The following VEPH1 variants were observed in gnomAD, a reference collection of about 807,000 sequenced individuals.
VEPH1 encodes the protein ventricular zone-expressed PH domain-containing protein homolog 1.
VEPH1 carries 80 observed loss-of-function variants against 85.2 expected under a neutral mutation model. That is an observed-to-expected ratio of 0.94 (90% CI 0.78 to 1.13). The LOEUF (loss-of-function observed/expected upper bound fraction) is 1.13. Among genes scored for constraint, VEPH1 ranks in the 50% most tolerant of loss-of-function variants. The probability of loss-of-function intolerance (pLI) is 0.00; values close to 1 mark genes in which losing one functional copy is unlikely to be tolerated. For synonymous variants in VEPH1, 297 were observed against 348.0 expected, an observed-to-expected ratio of 0.85 and a Z score of 1.63; for missense variants, 955 against 980.5, an observed-to-expected ratio of 0.97 and a Z score of 0.35.
chr3:157,488,415 A>T (rs1216355381), intron 2 of VEPH1, among the ~76,000 whole-genome samples: 1 of 152,098 alleles, frequency 6.6e-6, no homozygotes, highest in Admixed American at 6.6e-5. Context: ...TCATTTGACC[A>T]ATCAGTGGCA....
intron 9 of VEPH1, among the ~76,000 whole-genome samples, chr3:157,331,685 G>C (rs189989395): frequency 5.9e-5 from 9 of 152,300 alleles, no homozygotes; most frequent in Admixed American, 4.6e-4. Context: ...CTCTTTCATG[G>C]TTTGTGTATG....
rs772078655 is a variant in VEPH1 at position 157,318,665 on chromosome 3, GGAAA to G, written c.1736-1468_1736-1465del. ...GAAAGAAAGAAAGAATGAAAGAAAAGGAAAGAAAGAAAGAAAGAAAATTAATAGA... is the reference window on the plus strand; with the variant it reads ...GAAAGAAAGAAAGAATGAAAGAAAAGGAAAGAAAGAAAGAAAATTAATAGA... On this transcript the variant is annotated intron_variant, in intron 9 of 13. Coordinates refer to ENST00000362010, the MANE Select transcript of VEPH1 (RefSeq NM_001167912.2). Among the ~76,000 whole-genome samples, 634 of 111,064 alleles carry G rather than the reference GGAAA, an allele frequency of 5.7e-3. 1 individual carries two copies. The highest frequency in any genetic ancestry group is 9.6e-3 in the Non-Finnish European group (467 of 48,492). 72.9% of individuals were successfully genotyped at this position (111,064 alleles called of 152,430 possible).
rs71302265 is a variant in VEPH1, at chr3:157,386,250, C to CAAAAAAAAA, written c.907-4883_907-4875dup. On this transcript the variant is annotated intron_variant, in intron 6 of 13. Coordinates refer to ENST00000362010, the MANE Select transcript of VEPH1 (RefSeq NM_001167912.2). ...GTTACTTCAAGTAAAAATGGTTCCA[C>CAAAAAAAAA]AAAAAAAAAAAAAAAAAAAAAAAAG... 7.3e-4 allele frequency among the ~76,000 whole-genome samples: 28 copies of CAAAAAAAAA among 38,484 alleles called. 1 individual carries two copies. Among genetic ancestry groups the CAAAAAAAAA allele is most frequent in the Middle Eastern group, 0.017 (1 of 58 alleles). The allele number at this position is 38,484 out of a possible 152,430, so 25.2% of individuals were successfully genotyped here.
Position 157,452,108 on chromosome 3 carries a change from A to G in VEPH1, c.529+8073T>C, listed in dbSNP as rs375741285. On this transcript the variant is annotated intron_variant, in intron 4 of 13. Transcript: ENST00000362010. ...AAAAAACTGAATTTGATTTTAGGTT[A>G]CATTAAGGAAAATACAGTATTAATA... 2.2e-4 allele frequency among the ~76,000 whole-genome samples: 33 copies of G among 152,296 alleles called. No individual in the cohort carries two copies. The East Asian group carries it at 5.0e-3, about 23-fold the overall frequency.
intron 4 of VEPH1, among the ~76,000 whole-genome samples, chr3:157,441,643 A>G (rs1035044650): frequency 6.8e-6 from 1 of 147,960 alleles, no homozygotes; most frequent in African/African-American, 2.5e-5. Context: ...CCCCGTGTCT[A>G]AAAAAAAAAT....
At chr3:157,362,276 C>T (rs2108767632) in intron 9 of VEPH1, among the ~76,000 whole-genome samples, 3 of 152,292 alleles carry the variant, frequency 2.0e-5, no homozygotes, top group Admixed American at 2.0e-4. Context: ...GGCGATCCAC[C>T]TGCCTCAGCC....
chr3:157,371,352 A>G (rs1727467240), intron 7 of VEPH1, among the ~76,000 whole-genome samples: 1 of 152,250 alleles, frequency 6.6e-6, no homozygotes, highest in Non-Finnish European at 1.5e-5. Context: ...GCCATGATAC[A>G]AGGAAGGGAC....
At chr3:157,426,523 C>G (rs1175416986) in intron 5 of VEPH1, among the ~76,000 whole-genome samples, 1 of 152,186 alleles carries the variant, frequency 6.6e-6, no homozygotes, top group Non-Finnish European at 1.5e-5. Context: ...GCTATAAATT[C>G]CTTTCCTTGA....
chr3:157,381,506 A>C, intron 6 of VEPH1, 130 bp from the exon 7 acceptor site: 1 of 876,564 alleles, frequency 1.1e-6, no homozygotes, highest in Non-Finnish European at 1.8e-6. Flanking sequence ...CTGATCGAGA[A>C]CAGGAGTTTG....
chr3:157,454,051 T>C (rs1261363863), intron 4 of VEPH1, among the ~76,000 whole-genome samples: 1 of 152,024 alleles, frequency 6.6e-6, no homozygotes, highest in African/African-American at 2.4e-5. Flanking sequence ...TTGGCAGCAA[T>C]AAAGGGGTAA....
intron 4 of VEPH1, chr3:157,443,708 T>G (rs941460205): frequency 2.6e-5 from 4 of 152,254 alleles, no homozygotes; most frequent in Non-Finnish European, 5.9e-5. Flanking sequence ...ATGGTTAATA[T>G]TGTTAGGAAT....
chr3:157,337,614 T>C (rs1723090084), intron 9 of VEPH1, among the ~76,000 whole-genome samples: 1 of 152,220 alleles, frequency 6.6e-6, no homozygotes, highest in African/African-American at 2.4e-5. Flanking sequence ...GTTTTTTTCC[T>C]ATTTTCCAAT....
chr3:157,467,834 A>G (rs554897604), intron 3 of VEPH1, among the ~76,000 whole-genome samples: 1 of 152,330 alleles, frequency 6.6e-6, no homozygotes, highest in East Asian at 1.9e-4. Flanking sequence ...TTCCCAAAAT[A>G]TCAACCCTTG....
At chr3:157,310,883 G>A (rs536498399) in intron 11 of VEPH1, among the ~76,000 whole-genome samples, 1 of 152,248 alleles carries the variant, frequency 6.6e-6, no homozygotes, top group Non-Finnish European at 1.5e-5. Flanking sequence ...TCAGTAGACA[G>A]GGAAATGTGA....
intron 11 of VEPH1, among the ~76,000 whole-genome samples, chr3:157,289,483 A>G (rs955911575): frequency 6.6e-6 from 1 of 152,254 alleles, no homozygotes; most frequent in Non-Finnish European, 1.5e-5. Flanking sequence ...AGTTGGTGAT[A>G]ATAGCACACT....
intron 9 of VEPH1, among the ~76,000 whole-genome samples, chr3:157,318,333 C>G (rs1720972229): frequency 6.6e-6 from 1 of 152,138 alleles, no homozygotes; most frequent in African/African-American, 2.4e-5. Flanking sequence ...AGAGGCCAGG[C>G]ATGGTGGCTC....
intron 11 of VEPH1, 21 bp downstream of exon 11, chr3:157,313,600 G>A (rs1720382575): frequency 1.2e-6 from 2 of 1,611,722 alleles, no homozygotes; most frequent in Non-Finnish European, 8.5e-7. Flanking sequence ...CTGTAACATG[G>A]CCAAGGAAAG....
intron 3 of VEPH1, among the ~76,000 whole-genome samples, chr3:157,467,492 C>G (rs1363362893): frequency 1.3e-5 from 2 of 152,120 alleles, no homozygotes; most frequent in Admixed American, 6.5e-5. Context: ...CAAAATCATC[C>G]TTTCAATGTT....
chr3:157,363,239 TA>T (rs1057054755), intron 9 of VEPH1, 124 bp downstream of exon 9: 72 of 970,252 alleles, frequency 7.4e-5, no homozygotes, highest in Middle Eastern at 2.4e-4. Context: ...GTAAGGTATT[TA>T]AAAAAAATGA....
Sources: allele counts gnomAD v4.1 joint callset (sites outside exome capture counted in the v4.1 genomes callset), GRCh38; gene constraint gnomAD v4.1.1; transcripts MANE v1.5; gene names NCBI Gene and HGNC (gene_info 2026-07-23, HGNC 2026-07-21).